PRKG1: variants seen among roughly 807,000 people sequenced by gnomAD.
PRKG1 encodes the protein cGMP-dependent protein kinase 1.
In PRKG1, 35 loss-of-function variants were observed where a neutral mutation model predicts 88.1. The observed-to-expected ratio is 0.40, with a 90% CI of 0.30 to 0.53. The LOEUF is 0.53. Ranked by LOEUF, PRKG1 falls within the 20% of genes least tolerant of loss-of-function variation. PRKG1 has a pLI of 0.59. For synonymous variants in PRKG1, 303 were observed against 292.5 expected, an observed-to-expected ratio of 1.04 and a Z score of -0.37; for missense variants, 540 against 839.8, an observed-to-expected ratio of 0.64 and a Z score of 4.41.
chr10:51,773,242 A>G (rs558058392), intron 3 of PRKG1, among the ~76,000 whole-genome samples: 31 of 152,240 alleles, frequency 2.0e-4, no homozygotes, highest in Middle Eastern at 6.8e-3. Context: ...TAATAAATCA[A>G]TATTGATTTG....
intron 7 of PRKG1, chr10:52,062,864 A>G (rs950174405): frequency 1.6e-5 from 11 of 703,158 alleles, no homozygotes; most frequent in South Asian, 4.7e-5. Flanking sequence ...TATTAATTGG[A>G]AACATTTTCA....
intron 4 of PRKG1, among the ~76,000 whole-genome samples, chr10:51,834,918 T>A: frequency 6.6e-6 from 1 of 151,964 alleles, no homozygotes; most frequent in East Asian, 1.9e-4. Context: ...AATTAATTGA[T>A]TTATCAATTG....
chr10:51,826,444 A>G (rs1211715162), intron 4 of PRKG1, among the ~76,000 whole-genome samples: 1 of 152,166 alleles, frequency 6.6e-6, no homozygotes, highest in African/African-American at 2.4e-5. Context: ...AGTCCTCCAG[A>G]GGATTGAGGA....
chr10:51,036,052 T>C (rs766837979), intron 1 of PRKG1, among the ~76,000 whole-genome samples: 2 of 152,176 alleles, frequency 1.3e-5, no homozygotes, highest in African/African-American at 2.4e-5. Context: ...TCGTATCCCA[T>C]TTTATGCCTT....
intron 3 of PRKG1, among the ~76,000 whole-genome samples, chr10:51,733,412 T>G (rs1837170866): frequency 6.6e-6 from 1 of 152,206 alleles, no homozygotes; most frequent in African/African-American, 2.4e-5. Context: ...ATTAATACTA[T>G]TAGTTGCACC....
intron 2 of PRKG1, among the ~76,000 whole-genome samples, chr10:51,392,491 C>T (rs1837432822): frequency 1.3e-5 from 2 of 152,108 alleles, no homozygotes; most frequent in Admixed American, 1.3e-4. Flanking sequence ...AAGAATTTTT[C>T]TTAGTACAGA....
At chr10:51,439,891 A>C (rs1839050760) in intron 2 of PRKG1, among the ~76,000 whole-genome samples, 1 of 151,944 alleles carries the variant, frequency 6.6e-6, no homozygotes, top group Admixed American at 6.6e-5. Context: ...TTAACACAAG[A>C]GCTTTTGTTG....
intron 3 of PRKG1, among the ~76,000 whole-genome samples, chr10:51,650,349 C>T (rs190472263): frequency 2.6e-5 from 4 of 152,108 alleles, no homozygotes; most frequent in Admixed American, 2.6e-4. Flanking sequence ...CAATTGTGTA[C>T]TCCTTGATAA....
Position 51,082,721 on chromosome 10 carries a change from AT to A in PRKG1, c.311+7831del, listed in dbSNP as rs34372133. On this transcript the variant is annotated intron_variant, in intron 1 of 17. Coordinates refer to ENST00000373980, the MANE Select transcript of PRKG1 (RefSeq NM_006258.4). Reference sequence around the variant, plus strand: ...TAGGGGCCTGCGAAAGCATAGCTGGATTTTTTTTTTTGCCAAATTGTACGTG... The same window carrying A: ...TAGGGGCCTGCGAAAGCATAGCTGGATTTTTTTTTTGCCAAATTGTACGTG... Among the ~76,000 whole-genome samples, 108 of 148,158 alleles carry A rather than the reference AT, an allele frequency of 7.3e-4. No individual in the cohort carries two copies. The East Asian group carries it at 7.9e-3, about 11-fold the overall frequency.
At chr10:51,480,049 G>A (rs760841944) in intron 3 of PRKG1, among the ~76,000 whole-genome samples, 10 of 151,842 alleles carry the variant, frequency 6.6e-5, no homozygotes, top group Non-Finnish European at 1.3e-4. Flanking sequence ...ATTTACAACC[G>A]TGTCATTAAT....
At chr10:52,114,314 C>T (rs2132596172) in intron 7 of PRKG1, among the ~76,000 whole-genome samples, 2 of 152,144 alleles carry the variant, frequency 1.3e-5, no homozygotes, top group South Asian at 4.1e-4. Context: ...ATGACTCCTG[C>T]CAGATCCTTG....
intron 3 of PRKG1, among the ~76,000 whole-genome samples, chr10:51,548,364 T>C (rs1014976514): frequency 2.0e-5 from 3 of 152,128 alleles, no homozygotes; most frequent in African/African-American, 7.2e-5. Flanking sequence ...CTGTCTAATA[T>C]AGATAAACAT....
intron 5 of PRKG1, among the ~76,000 whole-genome samples, chr10:52,004,626 C>T (rs1414350681): frequency 6.6e-6 from 1 of 152,124 alleles, no homozygotes; most frequent in Non-Finnish European, 1.5e-5. Flanking sequence ...ATATTTGGGA[C>T]TGTTTTGTGA....
intron 4 of PRKG1, among the ~76,000 whole-genome samples, chr10:51,857,627 T>C (rs572421523): frequency 6.6e-6 from 1 of 152,290 alleles, no homozygotes; most frequent in East Asian, 1.9e-4. Flanking sequence ...TGGCTTTGTT[T>C]GCGTGTTATT....
chr10:51,911,761 G>T (rs1301975171), intron 5 of PRKG1, among the ~76,000 whole-genome samples: 2 of 152,106 alleles, frequency 1.3e-5, no homozygotes, highest in African/African-American at 4.8e-5. Context: ...AAGCAATACT[G>T]AAGTCACATA....
chr10:52,271,792 A>G (rs1277182309), intron 11 of PRKG1, among the ~76,000 whole-genome samples: 1 of 152,144 alleles, frequency 6.6e-6, no homozygotes, highest in Non-Finnish European at 1.5e-5. Context: ...GATGCTTAAA[A>G]GACAAAATAT....
rs74946415 is a variant in PRKG1 at position 52,172,237 on chromosome 10, A to G, written c.1076+10274A>G. Among the ~76,000 whole-genome samples, 1,012 of 152,344 alleles carry G rather than the reference A, an allele frequency of 6.6e-3. 8 individuals are homozygous for G. Among genetic ancestry groups the G allele is most frequent in the Middle Eastern group, 0.02 (6 of 294 alleles). On this transcript the variant is annotated intron_variant, in intron 9 of 17. Coordinates refer to ENST00000373980, the MANE Select transcript of PRKG1 (RefSeq NM_006258.4). Reference sequence around the variant, plus strand: ...GCTTGCTTGCAGCCTTTTCTAATCAACAGAGAAGAGGACTACAGATAATTG... The same window carrying G: ...GCTTGCTTGCAGCCTTTTCTAATCAGCAGAGAAGAGGACTACAGATAATTG...
rs182754127 is a variant in PRKG1, at chr10:51,554,361, C to T, written c.592+86525C>T. 3.1e-4 allele frequency among the ~76,000 whole-genome samples: 34 copies of T among 108,110 alleles called. No homozygotes were observed. In the South Asian group the frequency reaches 7.4e-3, roughly 23 times the overall value. The allele number at this position is 108,110 out of a possible 152,430, so 70.9% of individuals were successfully genotyped here. A position where few individuals can be genotyped will look rare whatever the true frequency, so the allele number is the denominator to read the frequency against. ...ATTATATACACATATATAATATATA[C>T]GTATATACACATATATAATATATAC... is the stretch of plus-strand genomic sequence containing the variant. On this transcript the variant is annotated intron_variant, in intron 3 of 17. Transcript: ENST00000373980.
intron 5 of PRKG1, among the ~76,000 whole-genome samples, chr10:51,948,068 TC>T (rs1444082950): frequency 1.3e-5 from 2 of 152,210 alleles, no homozygotes; most frequent in African/African-American, 4.8e-5. Context: ...TTTATTTTTT[TC>T]ATTATATATT....
Sources: gnomAD v4.1 joint callset for allele counts (sites outside exome capture counted in the v4.1 genomes callset) on GRCh38, gnomAD v4.1.1 for gene constraint, MANE v1.5 for transcripts, NCBI Gene and HGNC (gene_info 2026-07-23, HGNC 2026-07-21) for gene names.